Variants in KIAA0319L observed in about 807,000 individuals in gnomAD.
The protein encoded by KIAA0319L is KIAA0319 like, also known as dyslexia-associated protein KIAA0319-like protein.
Under a neutral mutation model 120.1 loss-of-function variants are expected in KIAA0319L, and 55 were observed. The ratio of observed to expected loss-of-function variants is 0.46; its 90% CI spans 0.37 to 0.57. The LOEUF is 0.57. Ranked by LOEUF, KIAA0319L falls within the 20% of genes least tolerant of loss-of-function variation. The pLI, the probability that KIAA0319L is intolerant of heterozygous loss-of-function variation, is 0.00. For missense variants in KIAA0319L, 1,049 were observed against 1,255.3 expected (o/e 0.84, Z 2.48); for synonymous variants, 398 against 471.9 (o/e 0.84, Z 2.03).
chr1:35,548,727 T>C (rs377749034), intron 2 of KIAA0319L, among the ~76,000 whole-genome samples: 86 of 152,288 alleles, frequency 5.6e-4, no homozygotes, highest in African/African-American at 1.9e-3. Flanking sequence ...CTTCTTAGCA[T>C]AGCATACAAG....
At chr1:35,490,813 A>G (rs1644564010) in intron 3 of KIAA0319L, among the ~76,000 whole-genome samples, 2 of 152,220 alleles carry the variant, frequency 1.3e-5, no homozygotes, top group African/African-American at 4.8e-5. Flanking sequence ...TGACTGGATC[A>G]TGAAGGTGGA....
At chr1:35,439,347 T>G (rs1220621575) in intron 20 of KIAA0319L, 2 of 152,228 alleles carry the variant, frequency 1.3e-5, no homozygotes, top group Non-Finnish European at 2.9e-5. Context: ...ATGAGCATAT[T>G]TTATGTATTT....
intron 17 of KIAA0319L, among the ~76,000 whole-genome samples, chr1:35,443,705 T>TAAATAAATAAATAAATAAATAAGC (rs1553189366): frequency 2.6e-5 from 4 of 151,350 alleles, no homozygotes; most frequent in South Asian, 4.2e-4. Flanking sequence ...AATAAATAAA[T>TAAATAAATAAATAAATAAATAAGC]AAGCATTAAA....
rs1362338963 is a variant in KIAA0319L, at chr1:35,532,380, A to T, written c.142+21970T>A. Among the ~76,000 whole-genome samples, 2 of 152,198 alleles carry T rather than the reference A, an allele frequency of 1.3e-5. 1 individual carries two copies. On this transcript the variant is annotated intron_variant, in intron 2 of 20. Transcript: ENST00000325722. Reference sequence around the variant, plus strand: ...TGTTCAATAATAAAAATACGAAAAGAAAAAAACAGTTCTTTTTCATCCATT... The same window carrying T: ...TGTTCAATAATAAAAATACGAAAAGTAAAAAACAGTTCTTTTTCATCCATT...
intron 2 of KIAA0319L, among the ~76,000 whole-genome samples, chr1:35,512,330 C>CA (rs34968521): frequency 0.87 from 117,928 of 136,182 alleles, 51,875 homozygotes; most frequent in Non-Finnish European, 0.96. Context: ...AAACTTTGAC[C>CA]AAAAAAAAAA....
chr1:35,532,371 T>A (rs1646404360), intron 2 of KIAA0319L, among the ~76,000 whole-genome samples: 1 of 152,140 alleles, frequency 6.6e-6, no homozygotes, highest in South Asian at 2.1e-4. Context: ...ATAATAAAAA[T>A]ACGAAAAGAA....
At position 35,474,853 on chromosome 1, in the gene KIAA0319L, T is replaced by C. The variant is rs1452098768; in HGVS notation, c.967A>G (p.Lys323Glu). The C allele has an allele frequency of 1.2e-6, 2 of 1,611,758 alleles. No individual in the cohort carries two copies. The highest frequency in any genetic ancestry group is 1.3e-5 in the African/African-American group (1 of 74,874). ...AGESVQITLP[K>E]NEVQLNAYVL... Reference sequence around the variant, plus strand: ...TATGCATTTAATTGAACTTCATTCTTAGGCAGGGTTATCTGGACACTCTCT... The same window carrying C: ...TATGCATTTAATTGAACTTCATTCTCAGGCAGGGTTATCTGGACACTCTCT... The change falls in exon 5 of 21, where the codon AAG (lysine) becomes GAG (glutamate). Residue 323 changes from lysine (K) to glutamate (E), a missense_variant. Transcript: ENST00000325722.
At chr1:35,467,231 C>G (rs1404798280) in intron 6 of KIAA0319L, among the ~76,000 whole-genome samples, 2 of 152,102 alleles carry the variant, frequency 1.3e-5, no homozygotes, top group African/African-American at 4.8e-5. Context: ...GAATATCCCA[C>G]TCCACAGAGT....
At chr1:35,533,863 T>G (rs1271713208) in intron 2 of KIAA0319L, among the ~76,000 whole-genome samples, 1 of 152,200 alleles carries the variant, frequency 6.6e-6, no homozygotes, top group Non-Finnish European at 1.5e-5. Flanking sequence ...TGTCAGCATG[T>G]CTGTCACCTG....
At chr1:35,451,840 GCAGGAGGAGA>G in intron 12 of KIAA0319L, 64 bp from the exon 13 acceptor site, 2 of 1,534,652 alleles carry the variant, frequency 1.3e-6, no homozygotes, top group Non-Finnish European at 1.8e-6. Context: ...CCCTAACTTA[GCAGGAGGAGA>G]CAATGACTCC....
chr1:35,525,484 C>T (rs1161860119), intron 2 of KIAA0319L, among the ~76,000 whole-genome samples: 1 of 152,144 alleles, frequency 6.6e-6, no homozygotes, highest in East Asian at 1.9e-4. Flanking sequence ...TGAGAGTTCT[C>T]TTTTTTCCGC....
Position 35,453,495 on chromosome 1 carries a change from A to G in KIAA0319L, c.1913+62T>C. ...GCAACTCAACTCATAATAGCAAATA[A>G]AACCTTGCTCTTCCAAGGTCTGGAG... On this transcript the variant is annotated intron_variant, in intron 12 of 20. Transcript: ENST00000325722. The surrounding 1 kb of genome is among the most constrained non-coding windows in gnomAD (Gnocchi z 4.1). The G allele has an allele frequency of 6.5e-7, 1 of 1,540,296 alleles. No homozygotes were observed. Among genetic ancestry groups the G allele is most frequent in the South Asian group, 1.1e-5 (1 of 87,034 alleles).
At chr1:35,547,715 G>A (rs911030471) in intron 2 of KIAA0319L, among the ~76,000 whole-genome samples, 2 of 152,304 alleles carry the variant, frequency 1.3e-5, no homozygotes, top group Admixed American at 6.5e-5. Context: ...GCAGATTTGT[G>A]GTTTCTAGTA....
At chr1:35,502,452 TCATCATCAC>T (rs1226040378) in intron 3 of KIAA0319L, among the ~76,000 whole-genome samples, 1 of 150,988 alleles carries the variant, frequency 6.6e-6, no homozygotes, top group Non-Finnish European at 1.5e-5. Context: ...ATCATCATCA[TCATCATCAC>T]CATCACCATC....
chr1:35,541,597 A>G (rs1004098504), intron 2 of KIAA0319L, among the ~76,000 whole-genome samples: 1 of 151,786 alleles, frequency 6.6e-6, no homozygotes, highest in South Asian at 2.1e-4. Flanking sequence ...TGATCCACCC[A>G]CCGCAGCCTC....
At chr1:35,531,944 C>T (rs1333779489) in intron 2 of KIAA0319L, among the ~76,000 whole-genome samples, 1 of 152,100 alleles carries the variant, frequency 6.6e-6, no homozygotes, top group Middle Eastern at 3.2e-3. Flanking sequence ...GCTAATAAAA[C>T]TAATCTCAAT....
chr1:35,475,461 C>T (rs943953112), intron 4 of KIAA0319L, among the ~76,000 whole-genome samples: 1 of 152,014 alleles, frequency 6.6e-6, no homozygotes, highest in African/African-American at 2.4e-5. Flanking sequence ...ATTGTTCACA[C>T]TAGATTATTC....
chr1:35,445,317 CA>C (rs577253384), intron 16 of KIAA0319L, among the ~76,000 whole-genome samples: 3 of 151,474 alleles, frequency 2.0e-5, no homozygotes, highest in Non-Finnish European at 4.4e-5. Flanking sequence ...AACAAACAAA[CA>C]AAAAAAAACT....
At chr1:35,483,040 T>A (rs1346679082) in intron 3 of KIAA0319L, among the ~76,000 whole-genome samples, 1 of 152,250 alleles carries the variant, frequency 6.6e-6, no homozygotes, top group Non-Finnish European at 1.5e-5. Flanking sequence ...GACACCTGTA[T>A]AACCTCTTTG....
Sources: gnomAD v4.1 joint callset for allele counts (sites outside exome capture counted in the v4.1 genomes callset) on GRCh38, gnomAD v4.1.1 for gene constraint, Gnocchi (gnomAD v3.1) non-coding constraint, MANE v1.5 for transcripts, NCBI Gene and HGNC (gene_info 2026-07-23, HGNC 2026-07-21) for gene names.